The following NLGN1 variants were observed in gnomAD, a reference collection of about 807,000 sequenced individuals.
The protein encoded by NLGN1 is neuroligin-1.
In NLGN1, 12 loss-of-function variants were observed where a neutral mutation model predicts 65.5. The observed-to-expected ratio is 0.18, with a 90% CI of 0.12 to 0.30. The LOEUF (loss-of-function observed/expected upper bound fraction) is 0.30. Ranked by LOEUF, NLGN1 falls within the 10% of genes least tolerant of loss-of-function variation. NLGN1 has a pLI of 1.00. For synonymous variants in NLGN1, 350 were observed against 359.5 expected (o/e 0.97, Z 0.30); for missense variants, 750 against 1,007.1 (o/e 0.74, Z 3.46).
chr3:174,000,020 TC>T (rs1202057977), intron 4 of NLGN1, among the ~76,000 whole-genome samples: 1 of 152,108 alleles, frequency 6.6e-6, no homozygotes, highest in African/African-American at 2.4e-5. Context: ...AAGCAAAGAA[TC>T]ATAATAAGGA....
intron 4 of NLGN1, among the ~76,000 whole-genome samples, chr3:174,169,192 CAG>C (rs1472967448): frequency 1.3e-5 from 2 of 151,988 alleles, no homozygotes; most frequent in Non-Finnish European, 2.9e-5. Flanking sequence ...GAGCATGTAG[CAG>C]AGAGGGTACT....
chr3:173,882,565 A>G (rs114402816), intron 4 of NLGN1, among the ~76,000 whole-genome samples: 2,307 of 152,280 alleles, frequency 0.015, 43 homozygotes, highest in Middle Eastern at 0.065. Context: ...TATGGAGGTG[A>G]CTTCTTTCTT....
At chr3:173,704,280 C>T (rs949022002) in intron 3 of NLGN1, among the ~76,000 whole-genome samples, 4 of 152,130 alleles carry the variant, frequency 2.6e-5, no homozygotes, top group African/African-American at 7.2e-5. Context: ...AAGTCTGTAA[C>T]GATTCTCTTA....
chr3:173,493,390 G>A (rs145251937), intron 2 of NLGN1, among the ~76,000 whole-genome samples: 1 of 151,964 alleles, frequency 6.6e-6, no homozygotes, highest in East Asian at 1.9e-4. Context: ...ATAATGAACT[G>A]CAGTTTGTGT....
chr3:174,129,700 C>A (rs1719763766), intron 4 of NLGN1, among the ~76,000 whole-genome samples: 1 of 152,062 alleles, frequency 6.6e-6, no homozygotes, highest in South Asian at 2.1e-4. Flanking sequence ...GAATTAAGTC[C>A]TTATCATTGT....
intron 4 of NLGN1, among the ~76,000 whole-genome samples, chr3:173,963,790 G>C (rs547077821): frequency 6.6e-6 from 1 of 152,340 alleles, no homozygotes; most frequent in African/African-American, 2.4e-5. Flanking sequence ...TTGCCAATTA[G>C]TCAGCTACAG....
intron 3 of NLGN1, among the ~76,000 whole-genome samples, chr3:173,800,945 T>C (rs897517668): frequency 6.6e-6 from 1 of 151,976 alleles, no homozygotes; most frequent in African/African-American, 2.4e-5. Context: ...GCATTACAAC[T>C]ATTTAGAAAA....
intron 2 of NLGN1, among the ~76,000 whole-genome samples, chr3:173,502,554 A>G (rs536443040): frequency 2.7e-4 from 41 of 152,246 alleles, no homozygotes; most frequent in African/African-American, 9.1e-4. Context: ...ACACGTTTCA[A>G]GTTCACTTAT....
intron 2 of NLGN1, among the ~76,000 whole-genome samples, chr3:173,495,398 T>G (rs1187093420): frequency 1.3e-5 from 2 of 151,714 alleles, no homozygotes; most frequent in East Asian, 3.9e-4. Flanking sequence ...CCTTTGGATA[T>G]TCTATGTAAA....
intron 4 of NLGN1, among the ~76,000 whole-genome samples, chr3:173,896,161 G>A (rs1180275640): frequency 6.6e-6 from 1 of 152,162 alleles, no homozygotes; most frequent in African/African-American, 2.4e-5. Context: ...TTGGCCTCTA[G>A]TAGGAATACA....
chr3:173,529,934 C>T (rs1300472096), intron 2 of NLGN1, among the ~76,000 whole-genome samples: 1 of 151,330 alleles, frequency 6.6e-6, no homozygotes, highest in Non-Finnish European at 1.5e-5. Context: ...CCCCAACTCC[C>T]ATGTTCCTAA....
chr3:174,007,565 G>A (rs1485241056), intron 4 of NLGN1, among the ~76,000 whole-genome samples: 1 of 152,098 alleles, frequency 6.6e-6, no homozygotes, highest in African/African-American at 2.4e-5. Flanking sequence ...ATGGGTTATA[G>A]CCAATGATGT....
chr3:173,806,154 G>T (rs1250910780), intron 3 of NLGN1, among the ~76,000 whole-genome samples: 2 of 152,088 alleles, frequency 1.3e-5, no homozygotes, highest in Non-Finnish European at 2.9e-5. Flanking sequence ...AAAAAAGTTT[G>T]TTAAGTTCTG....
chr3:173,715,773 T>A (rs1488960776), intron 3 of NLGN1, among the ~76,000 whole-genome samples: 1 of 152,174 alleles, frequency 6.6e-6, no homozygotes, highest in Non-Finnish European at 1.5e-5. Context: ...AGTTGGCAAG[T>A]ATAAACAGTC....
chr3:174,127,468 A>AT lies in NLGN1; in HGVS notation c.647-147841dup, dbSNP rs1215353962. Among the ~76,000 whole-genome samples the AT allele has an allele frequency of 3.3e-5, 5 of 152,012 alleles. No individual in the cohort carries two copies. The East Asian group carries it at 5.8e-4, about 18-fold the overall frequency. On this transcript the variant is annotated intron_variant, in intron 4 of 6. Coordinates refer to ENST00000457714, the Ensembl canonical transcript of NLGN1. Reference sequence around the variant, plus strand: ...TTGACATAGTAACAATAGCCCCTGCATTTTTTGCATCAGGTGTAGGGCTCT... The same window carrying AT: ...TTGACATAGTAACAATAGCCCCTGCATTTTTTTGCATCAGGTGTAGGGCTCT...
intron 4 of NLGN1, among the ~76,000 whole-genome samples, chr3:174,054,958 T>C (rs1051671239): frequency 2.0e-5 from 3 of 151,920 alleles, no homozygotes; most frequent in Non-Finnish European, 4.4e-5. Context: ...AATGACCCTT[T>C]CTTCTGCTCC....
chr3:174,261,500 G>C (rs1746896976), intron 4 of NLGN1, among the ~76,000 whole-genome samples: 1 of 149,160 alleles, frequency 6.7e-6, no homozygotes, highest in South Asian at 2.2e-4. Context: ...TGTTTTTGGT[G>C]TATAAGAATG....
chr3:173,844,676 A>C (rs1725411157), intron 4 of NLGN1, among the ~76,000 whole-genome samples: 1 of 152,190 alleles, frequency 6.6e-6, no homozygotes, highest in Non-Finnish European at 1.5e-5. Context: ...ATTTTAAGGA[A>C]GGAAGGGACA....
At chr3:173,408,523 T>A (rs934434534) in intron 1 of NLGN1, among the ~76,000 whole-genome samples, 2 of 152,176 alleles carry the variant, frequency 1.3e-5, no homozygotes, top group African/African-American at 4.8e-5. Flanking sequence ...GTGGCTAGAA[T>A]AACCAGCACC....
Sources: gnomAD v4.1 joint callset for allele counts (sites outside exome capture counted in the v4.1 genomes callset) on GRCh38, gnomAD v4.1.1 for gene constraint, MANE v1.5 for transcripts, NCBI Gene and HGNC (gene_info 2026-07-23, HGNC 2026-07-21) for gene names.